SNRPN: variants seen among roughly 807,000 people sequenced by gnomAD.
SNRPN encodes the protein small nuclear ribonucleoprotein polypeptide N, also known as small nuclear ribonucleoprotein-associated protein N.
In SNRPN, 7 loss-of-function variants were observed where a neutral mutation model predicts 25.2. The observed-to-expected ratio is 0.28, with a 90% CI of 0.16 to 0.52. The LOEUF (loss-of-function observed/expected upper bound fraction) is 0.52, where lower values mean the gene tolerates loss of function less well. Ranked by LOEUF, SNRPN falls within the 20% of genes least tolerant of loss-of-function variation. The pLI is 0.96. For missense variants in SNRPN, 196 were observed against 322.5 expected, an observed-to-expected ratio of 0.61 and a Z score of 3.00; for synonymous variants, 124 against 110.6, an observed-to-expected ratio of 1.12 and a Z score of -0.76.
chr15:24,976,439 CA>C, intron 6 of SNRPN, 23 bp downstream of exon 6: 1 of 1,491,922 alleles, frequency 6.7e-7, no homozygotes, highest in Non-Finnish European at 9.3e-7. Flanking sequence ...TAGGGCAGGA[CA>C]GAACTTTAAT....
intron 5 of SNRPN, among the ~76,000 whole-genome samples, 182 bp downstream of exon 5, chr15:24,975,691 T>G (rs775343152): frequency 1.3e-5 from 2 of 152,226 alleles, no homozygotes; most frequent in Non-Finnish European, 2.9e-5. Context: ...CTGAACTCTT[T>G]TAAGTTTGTA....
At chr15:24,848,378 C>T (rs2052455137) in intron 2 of SNRPN, 1 of 152,404 alleles carries the variant, frequency 6.6e-6, no homozygotes, top group Non-Finnish European at 1.5e-5. Flanking sequence ...TTATGGCGCC[C>T]GCTGGGAGTG....
Position 24,976,902 on chromosome 15 carries a change from C to G in SNRPN, c.293C>G (p.Ala98Gly), listed in dbSNP as rs2077125430. The G allele has an allele frequency of 1.2e-6, 2 of 1,607,628 alleles. No individual in the cohort carries two copies. The highest frequency in any genetic ancestry group is 1.7e-6 in the Non-Finnish European group (2 of 1,178,260). ...ACTGGCATTGCTCGGGTACCACTTG[C>G]TGGAGCTGCTGGAGGCCCTGGGGTT... The part of the protein sequence containing the change: ...KDTGIARVPL[A>G]GAAGGPGVGR... Residue 98 changes from alanine (A) to glycine (G), a missense_variant, in exon 7 of 10, where the codon GCT (alanine) becomes GGT (glycine). Transcript: ENST00000390687.
chr15:24,831,826 A>G (rs2050552233), intron 2 of SNRPN, among the ~76,000 whole-genome samples: 1 of 152,020 alleles, frequency 6.6e-6, no homozygotes, highest in African/African-American at 2.4e-5. Flanking sequence ...AAGGCCGATA[A>G]TATCCTGTTT....
At chr15:24,877,688 A>T (rs575540433) in intron 1 of SNRPN, among the ~76,000 whole-genome samples, 10,874 of 149,086 alleles carry the variant, frequency 0.073, 607 homozygotes, top group Admixed American at 0.18. Context: ...ACACACACAC[A>T]CACACACAAA....
chr15:24,896,958 C>A (rs2058115510), intron 2 of SNRPN, among the ~76,000 whole-genome samples: 1 of 151,944 alleles, frequency 6.6e-6, no homozygotes, highest in Non-Finnish European at 1.5e-5. Flanking sequence ...TTGAGACCAG[C>A]CTGGGCAACA....
upstream of SNRPN, among the ~76,000 whole-genome samples, chr15:24,855,810 A>C (rs1477129755): frequency 6.8e-6 from 1 of 147,544 alleles, no homozygotes; most frequent in Non-Finnish European, 1.5e-5. Context: ...AAAAAAAAAA[A>C]AAAAGGTATT....
chr15:24,908,703 T>G (rs1220402409), intron 2 of SNRPN, among the ~76,000 whole-genome samples: 2 of 150,122 alleles, frequency 1.3e-5, no homozygotes, highest in Non-Finnish European at 3.0e-5. Context: ...CAAGTTTTTT[T>G]CTAGTGCTTA....
At chr15:24,923,913 G>A (rs28665552) in intron 3 of SNRPN, among the ~76,000 whole-genome samples, 2,491 of 67,524 alleles carry the variant, frequency 0.037, 54 homozygotes, top group South Asian at 0.066. Context: ...GTGTGTGTGT[G>A]TATATAAACA....
At chr15:24,889,333 C>T (rs1207409649) in intron 2 of SNRPN, among the ~76,000 whole-genome samples, 3 of 152,052 alleles carry the variant, frequency 2.0e-5, no homozygotes, top group Non-Finnish European at 2.9e-5. Context: ...GACGGAGTCT[C>T]ATTCTGTCAC....
intron 4 of SNRPN, 118 bp downstream of exon 4, chr15:24,974,574 A>T: frequency 2.1e-6 from 2 of 941,884 alleles, no homozygotes; most frequent in Non-Finnish European, 3.5e-6. Context: ...ACATCCATGG[A>T]TATGGATTCT....
intron 2 of SNRPN, among the ~76,000 whole-genome samples, chr15:24,887,146 C>CTT (rs759363529): frequency 5.0e-4 from 64 of 128,776 alleles, no homozygotes; most frequent in East Asian, 9.0e-4. Flanking sequence ...ACACTGAGGT[C>CTT]TTTTTTTTTT....
intron 3 of SNRPN, among the ~76,000 whole-genome samples, chr15:24,933,090 C>T (rs967268994): frequency 3.3e-5 from 5 of 151,954 alleles, no homozygotes; most frequent in Admixed American, 1.3e-4. Context: ...AGGGAGACCT[C>T]TTCTCTACAA....
chr15:24,895,534 C>A, intron 2 of SNRPN, among the ~76,000 whole-genome samples: 1 of 151,866 alleles, frequency 6.6e-6, no homozygotes, highest in East Asian at 1.9e-4. Context: ...AAATTGCCAT[C>A]ACATATCTGG....
intron 2 of SNRPN, among the ~76,000 whole-genome samples, chr15:24,890,714 C>T (rs1373085286): frequency 6.6e-6 from 1 of 151,794 alleles, no homozygotes; most frequent in Non-Finnish European, 1.5e-5. Flanking sequence ...ACAAAAAAGC[C>T]CCACCTATCC....
At chr15:24,898,058 G>T (rs1566886047) in intron 2 of SNRPN, among the ~76,000 whole-genome samples, 1 of 151,990 alleles carries the variant, frequency 6.6e-6, no homozygotes, top group Non-Finnish European at 1.5e-5. Flanking sequence ...TTGGTAAATG[G>T]TATCTAAATT....
At chr15:24,896,586 C>T (rs568580409) in intron 2 of SNRPN, among the ~76,000 whole-genome samples, 91 of 152,058 alleles carry the variant, frequency 6.0e-4, no homozygotes, top group Middle Eastern at 3.4e-3. Context: ...TGGTGGCGGG[C>T]GCCTGTAGTT....
At chr15:24,975,260 C>T (rs970070609) in intron 4 of SNRPN, 98 bp from the exon 5 acceptor site, 1 of 931,868 alleles carries the variant, frequency 1.1e-6, no homozygotes, top group African/African-American at 1.7e-5. Flanking sequence ...GTTAAGGAAA[C>T]CAGGCTTAGA....
At chr15:24,877,887 G>C (rs953406818) in intron 1 of SNRPN, among the ~76,000 whole-genome samples, 1 of 152,198 alleles carries the variant, frequency 6.6e-6, no homozygotes, top group African/African-American at 2.4e-5. Flanking sequence ...CAACGATACA[G>C]GGAAGCCTGG....
Sources: allele counts gnomAD v4.1 joint callset (sites outside exome capture counted in the v4.1 genomes callset), GRCh38; gene constraint gnomAD v4.1.1; transcripts MANE v1.5; gene names NCBI Gene and HGNC (gene_info 2026-07-23, HGNC 2026-07-21).